SMG6: variants seen among roughly 807,000 people sequenced by gnomAD.
SMG6 encodes telomerase-binding protein EST1A.
In SMG6, 66 loss-of-function variants were observed where a neutral mutation model predicts 142.2. The ratio of observed to expected loss-of-function variants is 0.46; its 90% CI spans 0.38 to 0.57. The LOEUF is 0.57. Ranked by LOEUF, SMG6 falls within the 20% of genes least tolerant of loss-of-function variation. The pLI is 0.00. For missense variants in SMG6, 1,793 were observed against 1,832.0 expected, an observed-to-expected ratio of 0.98 and a Z score of 0.39; for synonymous variants, 779 against 702.4, an observed-to-expected ratio of 1.11 and a Z score of -1.72.
At chr17:2,079,436 C>G (rs1033087362) in intron 15 of SMG6, among the ~76,000 whole-genome samples, 18 of 151,756 alleles carry the variant, frequency 1.2e-4, no homozygotes, top group Non-Finnish European at 7.4e-5. Flanking sequence ...AGATTGAGAC[C>G]ATCCTGGCTA....
chr17:2,279,262 C>T (rs1213609729), intron 8 of SMG6, among the ~76,000 whole-genome samples: 2 of 152,076 alleles, frequency 1.3e-5, no homozygotes, highest in Admixed American at 6.6e-5. Context: ...AGCCAGGAGC[C>T]AGAAAAGAGC....
At position 2,300,193 on chromosome 17, in the gene SMG6, G is replaced by T. The variant is rs749847056; in HGVS notation, c.560C>A (p.Ala187Glu). ...TGGTTTATTCGCAACTTCCTCCTTCGCAACATTTCCCCTACACTCATCTTC... is the reference window on the plus strand; with the variant it reads ...TGGTTTATTCGCAACTTCCTCCTTCTCAACATTTCCCCTACACTCATCTTC... ...VEEDECRGNV[A>E]KEEVANKPDR... The change falls in exon 2 of 19, where the codon GCG (alanine) becomes GAG (glutamate). Residue 187 changes from alanine (A) to glutamate (E), a missense_variant. Around this residue, in one of 3 missense-constraint regions of SMG6, gnomAD observed 1,597 missense variants for 1,584.6 expected, o/e 1.01. Coordinates refer to ENST00000263073, the MANE Select transcript of SMG6 (RefSeq NM_017575.5). 1.2e-6 allele frequency: 2 copies of T among 1,613,448 alleles called. No individual in the cohort carries two copies. The highest frequency in any genetic ancestry group is 1.7e-6 in the Non-Finnish European group (2 of 1,179,888).
chr17:2,281,839 T>C (rs1040010074), intron 8 of SMG6, among the ~76,000 whole-genome samples: 14 of 152,100 alleles, frequency 9.2e-5, no homozygotes, highest in African/African-American at 3.1e-4. Flanking sequence ...GTGCTCTCTC[T>C]CCCCCAGCCA....
intron 13 of SMG6, among the ~76,000 whole-genome samples, chr17:2,139,232 C>A (rs1203463897): frequency 6.6e-6 from 1 of 152,164 alleles, no homozygotes; most frequent in Non-Finnish European, 1.5e-5. Flanking sequence ...GAAGAAACAG[C>A]CCCCAAATGG....
intron 13 of SMG6, among the ~76,000 whole-genome samples, chr17:2,168,474 CG>C (rs2071407528): frequency 6.6e-6 from 1 of 152,166 alleles, no homozygotes; most frequent in African/African-American, 2.4e-5. Context: ...TGAGCCATCA[CG>C]CTAGGTCTGC....
intron 8 of SMG6, among the ~76,000 whole-genome samples, chr17:2,262,672 T>G (rs1165650424): frequency 6.6e-6 from 1 of 152,246 alleles, no homozygotes; most frequent in Admixed American, 6.5e-5. Flanking sequence ...CTCTTTTACC[T>G]CTGTCCAGTG....
chr17:2,285,451 A>T (rs2074883190), intron 6 of SMG6, among the ~76,000 whole-genome samples: 1 of 152,154 alleles, frequency 6.6e-6, no homozygotes, highest in Admixed American at 6.5e-5. Flanking sequence ...CATTGAGGGA[A>T]TTCAGCACAG....
chr17:2,280,640 T>C (rs2074765039), intron 8 of SMG6: 5 of 964,462 alleles, frequency 5.2e-6, no homozygotes, highest in Middle Eastern at 5.4e-4. Context: ...TAAAGAAAAT[T>C]AAGGGTAATA....
Position 2,114,104 on chromosome 17 carries a change from C to T in SMG6, c.3358-28203G>A, listed in dbSNP as rs2069424481. Among the ~76,000 whole-genome samples the T allele has an allele frequency of 2.0e-5, 3 of 151,990 alleles. No individual in the cohort carries two copies. In the South Asian group the frequency reaches 6.2e-4, roughly 32 times the overall value. On this transcript the variant is annotated intron_variant, in intron 13 of 18. Coordinates refer to ENST00000263073, the MANE Select transcript of SMG6 (RefSeq NM_017575.5). ...CCAACATGGCGAAACCCCGTCTCTA[C>T]TAAAAAAATACAAAAATTAGCTGGG...
At chr17:2,283,285 G>A (rs145022289) in intron 7 of SMG6, among the ~76,000 whole-genome samples, 6 of 152,182 alleles carry the variant, frequency 3.9e-5, no homozygotes, top group Non-Finnish European at 8.8e-5. Context: ...CAGTCCCAAA[G>A]TAGCAGAGTG....
At chr17:2,285,287 T>C (rs1230017252) in intron 6 of SMG6, among the ~76,000 whole-genome samples, 4 of 152,062 alleles carry the variant, frequency 2.6e-5, no homozygotes, top group Admixed American at 6.6e-5. Flanking sequence ...GACTGACTGA[T>C]TGGAATTGGC....
intron 8 of SMG6, among the ~76,000 whole-genome samples, chr17:2,261,637 T>C (rs1237457080): frequency 1.3e-5 from 2 of 152,214 alleles, no homozygotes; most frequent in Non-Finnish European, 2.9e-5. Context: ...AACTTTCTGC[T>C]ACCCCTCGGT....
intron 13 of SMG6, among the ~76,000 whole-genome samples, chr17:2,124,491 G>A (rs966215742): frequency 5.9e-5 from 9 of 152,182 alleles, no homozygotes; most frequent in African/African-American, 2.2e-4. Flanking sequence ...CCTCCGCAGA[G>A]AGTCGTAACA....
chr17:2,132,982 A>C (rs980289167), intron 13 of SMG6, among the ~76,000 whole-genome samples: 1 of 152,162 alleles, frequency 6.6e-6, no homozygotes, highest in African/African-American at 2.4e-5. Flanking sequence ...GGGATTCACC[A>C]TGTTGTAATC....
intron 10 of SMG6, chr17:2,235,618 A>C (rs2073629291): frequency 6.6e-6 from 1 of 152,578 alleles, no homozygotes; most frequent in African/African-American, 2.4e-5. Context: ...TTGCCCTGAG[A>C]CCAAACACTC....
Position 2,236,508 on chromosome 17 carries a change from G to A in SMG6, c.2853C>T (p.His951=). The A allele has an allele frequency of 6.2e-7, 1 of 1,612,886 alleles. No individual in the cohort carries two copies. The highest frequency in any genetic ancestry group is 1.1e-5 in the South Asian group (1 of 90,628). Residue 951 remains histidine (H), a synonymous_variant, in exon 10 of 19, where the codon CAC becomes CAT. Transcript: ENST00000263073. ...ATGCCTTACCTTTCAGCTGGGAGTT[G>A]TGTACTGCAAACATATTGATGGTCA... ...QLMTINMFAV[H]NSQLKDCFSE... is the part of the protein sequence containing the mutation.
intron 8 of SMG6, among the ~76,000 whole-genome samples, chr17:2,268,508 C>CA (rs1331000487): frequency 2.0e-5 from 3 of 152,144 alleles, no homozygotes; most frequent in African/African-American, 7.2e-5. Flanking sequence ...AGCAGTGACT[C>CA]ATGCCTGTAA....
chr17:2,116,161 C>T (rs1447279693), intron 13 of SMG6, among the ~76,000 whole-genome samples: 1 of 152,102 alleles, frequency 6.6e-6, no homozygotes, highest in Admixed American at 6.6e-5. Context: ...CCCTCAACTG[C>T]CTCGGCCCAA....
chr17:2,161,100 T>C (rs1272061271), intron 13 of SMG6, among the ~76,000 whole-genome samples: 5 of 140,020 alleles, frequency 3.6e-5, no homozygotes, highest in African/African-American at 1.4e-4. Context: ...CTCACATAAC[T>C]GACCCTTTTT....
Sources: allele counts gnomAD v4.1 joint callset (sites outside exome capture counted in the v4.1 genomes callset), GRCh38; gene constraint gnomAD v4.1.1; regional missense constraint gnomAD v4.1.1; transcripts MANE v1.5; gene names NCBI Gene and HGNC (gene_info 2026-07-23, HGNC 2026-07-21).